The following ADGRV1 variants were observed in gnomAD, a reference collection of about 807,000 sequenced individuals.
ADGRV1 encodes the protein G-protein coupled receptor 98.
Under a neutral mutation model 596.2 loss-of-function variants are expected in ADGRV1, and 359 were observed. That is an observed-to-expected ratio of 0.60 (90% confidence interval 0.55 to 0.66). The LOEUF (loss-of-function observed/expected upper bound fraction) is 0.66. Ranked by LOEUF, ADGRV1 falls within the 30% of genes least tolerant of loss-of-function variation. The pLI is 0.00. For synonymous variants in ADGRV1, 2,681 were observed against 2,679.2 expected (o/e 1.00, Z -0.02); for missense variants, 7,274 against 7,575.6 (o/e 0.96, Z 1.48).
chr5:90,836,582 T>C (rs2150346929), intron 77 of ADGRV1, among the ~76,000 whole-genome samples: 1 of 152,280 alleles, frequency 6.6e-6, no homozygotes, highest in South Asian at 2.1e-4. Context: ...GGGAATGGGC[T>C]GGGGTGACAC....
At chr5:90,974,006 G>A (rs564557104) in intron 84 of ADGRV1, among the ~76,000 whole-genome samples, 1 of 152,280 alleles carries the variant, frequency 6.6e-6, no homozygotes, top group East Asian at 1.9e-4. Flanking sequence ...CAAAGTCTCA[G>A]GATAGAAAAT....
In ADGRV1 at chr5:90,689,922, C is replaced by T. The variant is rs763086961; in HGVS notation, c.6552C>T (p.Ala2184=). 27 of 1,613,012 alleles carry T rather than the reference C, an allele frequency of 1.7e-5. No individual in the cohort carries two copies. Among genetic ancestry groups the T allele is most frequent in the South Asian group, 3.3e-5 (3 of 90,942 alleles). Residue 2184 remains alanine (A), a synonymous_variant, in exon 30 of 90, where the codon GCC becomes GCT. Transcript: ENST00000405460. ...TGCTAGAAGGGGAAACCAGTAAAGCCGTGCCAATATATGTCATTAATGATA... is the reference window on the plus strand; with the variant it reads ...TGCTAGAAGGGGAAACCAGTAAAGCTGTGCCAATATATGTCATTAATGATA... ...VVLLEGETSK[A]VPIYVINDIY... is the part of the protein sequence containing the mutation.
chr5:90,612,406 C>G (rs533952873), intron 1 of ADGRV1, among the ~76,000 whole-genome samples: 1 of 152,012 alleles, frequency 6.6e-6, no homozygotes, highest in East Asian at 1.9e-4. Flanking sequence ...TCATATTATT[C>G]AAGGTGGTGA....
chr5:90,887,715 C>T (rs562418361), intron 83 of ADGRV1, among the ~76,000 whole-genome samples: 2 of 152,222 alleles, frequency 1.3e-5, no homozygotes, highest in East Asian at 1.9e-4. Context: ...AATTTGATAG[C>T]GAAAGTGTAA....
chr5:91,078,980 G>C (rs1489711183), intron 86 of ADGRV1, among the ~76,000 whole-genome samples: 1 of 152,108 alleles, frequency 6.6e-6, no homozygotes, highest in East Asian at 1.9e-4. Context: ...GTTACTGCTT[G>C]CAGAAACCTT....
At chr5:90,974,022 T>C (rs984138008) in intron 84 of ADGRV1, among the ~76,000 whole-genome samples, 3 of 152,186 alleles carry the variant, frequency 2.0e-5, no homozygotes, top group Non-Finnish European at 2.9e-5. Flanking sequence ...AAAATCAGTG[T>C]GCAAAAATCA....
At chr5:91,139,320 A>G (rs1045448126) in intron 87 of ADGRV1, among the ~76,000 whole-genome samples, 4 of 152,202 alleles carry the variant, frequency 2.6e-5, no homozygotes, top group Admixed American at 2.0e-4. Flanking sequence ...TTTGCAGCAT[A>G]AAAGATTTAG....
chr5:91,077,571 T>C (rs1405078411), intron 86 of ADGRV1, among the ~76,000 whole-genome samples: 1 of 152,216 alleles, frequency 6.6e-6, no homozygotes. Flanking sequence ...CTCAGTGCTA[T>C]AGATGCCCAC....
chr5:90,692,856 C>T (rs986946482), intron 32 of ADGRV1, 70 bp downstream of exon 32: 4 of 1,183,276 alleles, frequency 3.4e-6, no homozygotes, highest in African/African-American at 1.6e-5. Context: ...GGATCCCTTG[C>T]ACAGTTAAAT....
intron 86 of ADGRV1, among the ~76,000 whole-genome samples, chr5:91,088,473 G>A (rs1790081426): frequency 6.6e-6 from 1 of 152,134 alleles, no homozygotes; most frequent in Non-Finnish European, 1.5e-5. Flanking sequence ...AGCAAGATCT[G>A]CCTAGTTTAT....
At chr5:90,644,520 A>T (rs974948016) in intron 14 of ADGRV1, among the ~76,000 whole-genome samples, 186 bp from the exon 15 acceptor site, 1 of 152,210 alleles carries the variant, frequency 6.6e-6, no homozygotes, top group Non-Finnish European at 1.5e-5. Context: ...TTTATTATAT[A>T]CCTACAGAGG....
At chr5:90,853,601 A>G in intron 80 of ADGRV1, 68 bp downstream of exon 80, 6 of 1,465,594 alleles carry the variant, frequency 4.1e-6, no homozygotes, top group African/African-American at 1.4e-5. Flanking sequence ...CACACTTGGA[A>G]TGCATTTGTT....
chr5:90,845,940 T>G (rs1581300608), intron 78 of ADGRV1, among the ~76,000 whole-genome samples: 1 of 152,234 alleles, frequency 6.6e-6, no homozygotes, highest in Non-Finnish European at 1.5e-5. Flanking sequence ...TTTGCATTGC[T>G]AAATTTTTAT....
At position 90,815,754 on chromosome 5, in the gene ADGRV1, A is replaced by C. The variant is rs1286147591; in HGVS notation, c.16196+18A>C. On this transcript the variant is annotated intron_variant, in intron 75 of 89. Transcript: ENST00000405460. Reference sequence around the variant, plus strand: ...CCAAACAGGTATGTGTATATATAGTATATGGAAGACGTAACATTCTGTGTG... The same window carrying C: ...CCAAACAGGTATGTGTATATATAGTCTATGGAAGACGTAACATTCTGTGTG... 4 of 1,228,464 alleles carry C rather than the reference A, an allele frequency of 3.3e-6. No individual in the cohort carries two copies. Among genetic ancestry groups the C allele is most frequent in the Non-Finnish European group, 4.7e-6 (4 of 851,264 alleles). 76.1% of individuals were successfully genotyped at this position (1,228,464 alleles called of 1,614,324 possible).
At chr5:91,053,355 C>A (rs569371673) in intron 85 of ADGRV1, among the ~76,000 whole-genome samples, 4 of 152,192 alleles carry the variant, frequency 2.6e-5, no homozygotes, top group African/African-American at 9.6e-5. Context: ...TATTTTAATT[C>A]TATGTGTTTA....
rs76130275 is a variant in ADGRV1 at position 90,650,991 on chromosome 5, A to G, written c.3290-613A>G. 5.2e-3 allele frequency among the ~76,000 whole-genome samples: 799 copies of G among 152,284 alleles called. 2 individuals carry two copies. The highest frequency in any genetic ancestry group is 0.01 in the Admixed American group (157 of 15,292). On this transcript the variant is annotated intron_variant, in intron 17 of 89. Transcript: ENST00000405460. ...TCAGGGAAGTGATGAGAAGAGACCC[A>G]ATGTGTAGGCAATAACAGTGCCAAT...
rs993489868 is a variant in ADGRV1 at position 90,861,510 on chromosome 5, C to T, written c.17756-2247C>T. 4.6e-5 allele frequency among the ~76,000 whole-genome samples: 7 copies of T among 151,602 alleles called. No homozygotes were observed. In the South Asian group the frequency reaches 6.3e-4, roughly 14 times the overall value. On this transcript the variant is annotated intron_variant, in intron 82 of 89. Transcript: ENST00000405460. ...ATTTTTAGTAGAGACAGGGTTTCAC[C>T]GTGTTAGCCAGGATGGTCTCGATCT...
chr5:90,988,481 T>A lies in ADGRV1; in HGVS notation c.18152+2959T>A, dbSNP rs115115585. Among the ~76,000 whole-genome samples the A allele has an allele frequency of 4.2e-3, 642 of 152,268 alleles. 2 individuals carry two copies. The highest frequency in any genetic ancestry group is 0.015 in the African/African-American group (612 of 41,568). ...CTAAGTGCTGACTTTGGTCTACTTT[T>A]CCCCCTGTACGTTGTTATCTATTCT... is the stretch of plus-strand genomic sequence containing the variant. On this transcript the variant is annotated intron_variant, in intron 85 of 89. Coordinates refer to ENST00000405460, the MANE Select transcript of ADGRV1 (RefSeq NM_032119.4).
intron 17 of ADGRV1, among the ~76,000 whole-genome samples, chr5:90,648,695 T>C (rs984446795): frequency 1.3e-5 from 2 of 152,220 alleles, no homozygotes; most frequent in African/African-American, 4.8e-5. Context: ...CTGTTTCTAT[T>C]CTGCTTCCTC....
Sources: gnomAD v4.1 joint callset for allele counts (sites outside exome capture counted in the v4.1 genomes callset) on GRCh38, gnomAD v4.1.1 for gene constraint, MANE v1.5 for transcripts, NCBI Gene and HGNC (gene_info 2026-07-23, HGNC 2026-07-21) for gene names.